Variants in BRCA2 observed in about 807,000 individuals in gnomAD.
BRCA2 encodes the protein BRCA2 DNA repair associated.
BRCA2 carries 203 observed loss-of-function variants against 276.7 expected under a neutral mutation model. That is an observed-to-expected ratio of 0.73 (90% confidence interval 0.65 to 0.82). The LOEUF (loss-of-function observed/expected upper bound fraction) is 0.82, where lower values mean the gene tolerates loss of function less well. Ranked by LOEUF, BRCA2 falls within the 40% of genes least tolerant of loss-of-function variation. The probability of loss-of-function intolerance (pLI) is 0.00; values close to 1 mark genes in which losing one functional copy is unlikely to be tolerated. For missense variants in BRCA2, 3,920 were observed against 3,915.0 expected (o/e 1.00, Z -0.03); for synonymous variants, 1,289 against 1,338.4 (o/e 0.96, Z 0.81).
chr13:32,338,456 A>G lies in BRCA2; in HGVS notation c.4101A>G (p.Lys1367=), dbSNP rs786201982. The G allele has an allele frequency of 6.2e-7, 1 of 1,611,844 alleles. No homozygotes were observed. The highest frequency in any genetic ancestry group is 1.3e-5 in the African/African-American group (1 of 74,966). ...LFTDQHNICL[K]LSGQFMKEGN... ...CTGATCAGCACAACATATGTCTTAA[A>G]TTATCTGGCCAGTTTATGAAGGAGG... The change falls in exon 11 of 27, where the codon AAA becomes AAG. Residue 1367 remains lysine, a synonymous_variant. Coordinates refer to ENST00000380152, the MANE Select transcript of BRCA2 (RefSeq NM_000059.4).
At chr13:32,349,816 A>AC (rs1750538142) in intron 13 of BRCA2, among the ~76,000 whole-genome samples, 1 of 41,926 alleles carries the variant, frequency 2.4e-5, no homozygotes, top group Admixed American at 2.0e-4. Context: ...CCCCACATCA[A>AC]AAAAAAAAAA....
At position 32,337,712 on chromosome 13, in the gene BRCA2, A is replaced by C. The variant is rs1176430263; in HGVS notation, c.3357A>C (p.Glu1119Asp). 1 of 1,612,668 alleles carries C rather than the reference A, an allele frequency of 6.2e-7. No homozygotes were observed. The highest frequency in any genetic ancestry group is 8.5e-7 in the Non-Finnish European group (1 of 1,179,538). Reference sequence around the variant, plus strand: ...TTACAGAACTTTCTACTATATTAGAAGAATCAGGAAGTCAGTTTGAATTTA... The same window carrying C: ...TTACAGAACTTTCTACTATATTAGACGAATCAGGAAGTCAGTTTGAATTTA... ...AEITELSTIL[E>D]ESGSQFEFTQ... The change falls in exon 11 of 27, where the codon GAA becomes GAC. Residue 1119 changes from glutamate (E) to aspartate (D), a missense_variant. Physicochemically the swap from Glu to Asp is conservative, Grantham distance 45. Transcript: ENST00000380152.
chr13:32,346,927 A>G (rs555236509), intron 13 of BRCA2, 31 bp downstream of exon 13: 1 of 1,529,838 alleles, frequency 6.5e-7, no homozygotes, highest in Non-Finnish European at 9.0e-7. Context: ...TCTAAATTCT[A>G]ATACAGTATG....
At chr13:32,379,958 T>C (rs747785339) in intron 23 of BRCA2, 45 bp downstream of exon 23, 2 of 1,613,168 alleles carry the variant, frequency 1.2e-6, no homozygotes, top group East Asian at 2.2e-5. Context: ...TAAGTGCTTG[T>C]TAGTTTATGG....
At chr13:32,387,514 G>A (rs971858230) in intron 24 of BRCA2, among the ~76,000 whole-genome samples, 5 of 152,148 alleles carry the variant, frequency 3.3e-5, no homozygotes, top group African/African-American at 7.2e-5. Flanking sequence ...TTAGCAGACC[G>A]CAAAAGGGAG....
intron 8 of BRCA2, among the ~76,000 whole-genome samples, 174 bp from the exon 9 acceptor site, chr13:32,330,745 A>G (rs966264766): frequency 6.6e-6 from 1 of 152,162 alleles, no homozygotes; most frequent in Non-Finnish European, 1.5e-5. Context: ...GATGACACAC[A>G]ATTTAAAACT....
chr13:32,392,325 C>T (rs2073002286), intron 24 of BRCA2, among the ~76,000 whole-genome samples: 1 of 152,148 alleles, frequency 6.6e-6, no homozygotes, highest in Non-Finnish European at 1.5e-5. Context: ...GCTTTCCTAG[C>T]CTCAGTTCTA....
At position 32,363,247 on chromosome 13, in the gene BRCA2, C is replaced by T. The variant is rs773506092; in HGVS notation, c.8045C>T (p.Ala2682Val). Reference sequence around the variant, plus strand: ...AAGATAATGGAAAGGGATGACACAGCTGCAAAAACACTTGTTCTCTGTGTT... The same window carrying T: ...AAGATAATGGAAAGGGATGACACAGTTGCAAAAACACTTGTTCTCTGTGTT... ...IKKIMERDDTAAKTLVLCVSD... is the reference protein window; with the variant it reads ...IKKIMERDDTVAKTLVLCVSD... Residue 2682 changes from alanine to valine, a missense_variant, in exon 18 of 27, where the codon GCT (alanine) becomes GTT (valine). By Grantham distance (64) the Ala-to-Val change is moderately conservative. This residue lies in a region of BRCA2 where 3,263 missense variants were observed against 3,156.9 expected (regional missense o/e 1.03). Transcript: ENST00000380152. 3.7e-6 allele frequency: 6 copies of T among 1,613,986 alleles called. No homozygotes were observed. The South Asian group carries it at 6.6e-5, about 18-fold the overall frequency.
At chr13:32,380,231 C>CA in intron 24 of BRCA2, 86 bp downstream of exon 24, 1 of 1,412,574 alleles carries the variant, frequency 7.1e-7, no homozygotes, top group South Asian at 1.4e-5. Flanking sequence ...TTGGAGCTAC[C>CA]AGTTGGCAAA....
At chr13:32,345,365 G>A (rs1163710999) in intron 12 of BRCA2, among the ~76,000 whole-genome samples, 1 of 151,992 alleles carries the variant, frequency 6.6e-6, no homozygotes, top group Non-Finnish European at 1.5e-5. Flanking sequence ...CAGTGAAAAG[G>A]ACATACATAA....
chr13:32,325,544 TTTTG>T (rs1276806757), intron 4 of BRCA2, among the ~76,000 whole-genome samples: 3 of 151,384 alleles, frequency 2.0e-5, no homozygotes, highest in African/African-American at 7.3e-5. Context: ...CAAATTTTTT[TTTTG>T]TTTTTTTTTT....
chr13:32,362,390 G>T (rs1309841741), intron 16 of BRCA2, 133 bp from the exon 17 acceptor site: 2 of 830,266 alleles, frequency 2.4e-6, no homozygotes, highest in Non-Finnish European at 3.8e-6. Flanking sequence ...AAATTATATT[G>T]TAGATCATAT....
chr13:32,365,960 T>C (rs1339660712), intron 18 of BRCA2, among the ~76,000 whole-genome samples: 2 of 151,884 alleles, frequency 1.3e-5, no homozygotes, highest in Non-Finnish European at 2.9e-5. Flanking sequence ...CTACTTTCTA[T>C]TTGATTGTCT....
At chr13:32,363,126 TGG>T in intron 17 of BRCA2, 51 bp from the exon 18 acceptor site, 1 of 1,445,568 alleles carries the variant, frequency 6.9e-7, no homozygotes, top group East Asian at 2.3e-5. Flanking sequence ...GTTTAAACAG[TGG>T]AATTCTAGAG....
At chr13:32,326,468 A>C (rs772629465) in intron 6 of BRCA2, 31 bp from the exon 7 acceptor site, 2 of 1,532,880 alleles carry the variant, frequency 1.3e-6, no homozygotes, top group South Asian at 2.2e-5. Context: ...GGGCATTTCT[A>C]TAAAAAATAA....
intron 18 of BRCA2, among the ~76,000 whole-genome samples, chr13:32,368,631 C>CA (rs1487952033): frequency 2.0e-5 from 3 of 151,630 alleles, no homozygotes; most frequent in African/African-American, 7.3e-5. Flanking sequence ...TGAGGCTTGT[C>CA]AGCTCATAGG....
At chr13:32,330,622 C>T (rs1039138616) in intron 8 of BRCA2, among the ~76,000 whole-genome samples, 8 of 152,196 alleles carry the variant, frequency 5.3e-5, no homozygotes, top group Non-Finnish European at 8.8e-5. Flanking sequence ...AGGGATGATT[C>T]ATGTCCCAAG....
intron 10 of BRCA2, among the ~76,000 whole-genome samples, chr13:32,335,668 T>G (rs1010336280): frequency 1.3e-5 from 2 of 151,964 alleles, no homozygotes; most frequent in Non-Finnish European, 2.9e-5. Flanking sequence ...TTACTTTGAG[T>G]TTTTTTTATG....
rs112966335 is a variant in BRCA2 at position 32,380,243 on chromosome 13, T to C, written c.9256+98T>C. 383 of 1,267,208 alleles carry C rather than the reference T, an allele frequency of 3.0e-4. 4 individuals are homozygous for C. In the African/African-American group the frequency reaches 4.4e-3, roughly 15 times the overall value. The allele number at this position is 1,267,208 out of a possible 1,614,324, so 78.5% of individuals were successfully genotyped here. A position where few individuals can be genotyped will look rare whatever the true frequency, so the allele number is the denominator to read the frequency against. On this transcript the variant is annotated intron_variant, in intron 24 of 26. Transcript: ENST00000380152. ...TAGTTGGAGCTACCAGTTGGCAAAT[T>C]TGCTAGCTAACTAGTGATCTGAAAG...
Sources: gnomAD v4.1 joint callset for allele counts (sites outside exome capture counted in the v4.1 genomes callset) on GRCh38, gnomAD v4.1.1 for gene constraint, gnomAD v4.1.1 regional missense constraint, MANE v1.5 for transcripts, NCBI Gene and HGNC (gene_info 2026-07-23, HGNC 2026-07-21) for gene names.